C10orf90: variants seen among roughly 807,000 people sequenced by gnomAD.
C10orf90 encodes chromosome 10 open reading frame 90, also known as (E2-independent) E3 ubiquitin-conjugating enzyme FATS.
Under a neutral mutation model 62.5 loss-of-function variants are expected in C10orf90, and 56 were observed. The ratio of observed to expected loss-of-function variants is 0.90; its 90% CI spans 0.72 to 1.12. The LOEUF (loss-of-function observed/expected upper bound fraction) is 1.12. Ranked by LOEUF, C10orf90 falls within the 50% of genes most tolerant of loss-of-function variation. The pLI is 0.00. For synonymous variants in C10orf90, 386 were observed against 340.4 expected, an observed-to-expected ratio of 1.13 and a Z score of -1.47; for missense variants, 970 against 880.4, an observed-to-expected ratio of 1.10 and a Z score of -1.29.
intron 2 of C10orf90, among the ~76,000 whole-genome samples, chr10:126,525,531 G>A (rs1416337554): frequency 1.3e-5 from 2 of 152,150 alleles, no homozygotes; most frequent in East Asian, 3.9e-4. Flanking sequence ...AGGCTCCGCC[G>A]TGAGCTGGAC....
chr10:126,629,010 CG>C (rs1845802302), intron 2 of C10orf90, among the ~76,000 whole-genome samples: 1 of 152,166 alleles, frequency 6.6e-6, no homozygotes, highest in African/African-American at 2.4e-5. Context: ...CTGTAAGAAT[CG>C]GGGCTCTTAA....
chr10:126,565,004 AAT>A lies in C10orf90; in HGVS notation c.314-51067_314-51066del, dbSNP rs1311237853. On this transcript the variant is annotated intron_variant, in intron 2 of 9. Transcript: ENST00000488181. ...AAAATATAAAATATATATTATATAT[AAT>A]ATATATAATATATATTATATATTAT... 1.7e-3 allele frequency among the ~76,000 whole-genome samples: 24 copies of A among 13,994 alleles called. 1 individual carries two copies. The highest frequency in any genetic ancestry group is 2.4e-3 in the Non-Finnish European group (17 of 6,962). 9.2% of individuals were successfully genotyped at this position (13,994 alleles called of 152,430 possible). A position where few individuals can be genotyped will look rare whatever the true frequency, so the allele number is the denominator to read the frequency against.
intron 2 of C10orf90, among the ~76,000 whole-genome samples, chr10:126,565,917 T>C (rs114580651): frequency 0.025 from 3,825 of 152,326 alleles, 163 homozygotes; most frequent in African/African-American, 0.085. Flanking sequence ...GAAGACATGA[T>C]GGTTAGCCCA....
chr10:126,478,699 C>T (rs1390073197), intron 4 of C10orf90, among the ~76,000 whole-genome samples: 1 of 152,042 alleles, frequency 6.6e-6, no homozygotes, highest in African/African-American at 2.4e-5. Flanking sequence ...GGAGGGTGAG[C>T]TAAGGGCTGT....
chr10:126,655,839 C>CAA lies in C10orf90; in HGVS notation c.241-9204_241-9203dup, dbSNP rs56164675. Reference sequence around the variant, plus strand: ...GCAACAGAGACAAAACAAAACAAAACAAAAAAAAAAAAGAAGAAGAACAAA... The same window carrying CAA: ...GCAACAGAGACAAAACAAAACAAAACAAAAAAAAAAAAAAGAAGAAGAACAAA... On this transcript the variant is annotated intron_variant, in intron 1 of 9. Coordinates refer to ENST00000488181, the MANE Select transcript of C10orf90 (RefSeq NM_001350921.2). Among the ~76,000 whole-genome samples the CAA allele has an allele frequency of 1.3e-3, 187 of 139,834 alleles. 1 individual carries two copies. The highest frequency in any genetic ancestry group is 1.6e-3 in the Non-Finnish European group (106 of 64,430). The allele number at this position is 139,834 out of a possible 152,430, so 91.7% of individuals were successfully genotyped here.
In C10orf90 at chr10:126,490,036, A is replaced by ATATATAT. The variant is rs1189445726; in HGVS notation, c.1534+13914_1534+13920dup. 7.0e-3 allele frequency among the ~76,000 whole-genome samples: 648 copies of ATATATAT among 93,212 alleles called. 13 individuals carry two copies. The highest frequency in any genetic ancestry group is 0.026 in the African/African-American group (609 of 23,122). The allele number at this position is 93,212 out of a possible 152,430, so 61.2% of individuals were successfully genotyped here. On this transcript the variant is annotated intron_variant, in intron 4 of 9. Transcript: ENST00000488181. Reference sequence around the variant, plus strand: ...TATTATATATAATATATAATATATAATATATATTATATATTATGTTATATA... The same window carrying ATATATAT: ...TATTATATATAATATATAATATATAATATATATTATATATTATATATTATGTTATATA...
intron 2 of C10orf90, among the ~76,000 whole-genome samples, chr10:126,640,244 C>T: frequency 6.6e-6 from 1 of 152,240 alleles, no homozygotes; most frequent in East Asian, 1.9e-4. Context: ...GCCTCTGTCC[C>T]TCTCAACAAG....
At chr10:126,445,890 A>G (rs2134046815) in intron 7 of C10orf90, among the ~76,000 whole-genome samples, 1 of 151,454 alleles carries the variant, frequency 6.6e-6, no homozygotes, top group African/African-American at 2.4e-5. Context: ...GACCTGGATG[A>G]AATTGGAGAC....
At position 126,470,163 on chromosome 10, in the gene C10orf90, C is replaced by A. The variant is rs868532747; in HGVS notation, c.1535-5177G>T. ...GCATTCTTCTGTAGGTTGCATGCTGCAGAGGGAGAGAAGGCATTTTTCTGC... is the reference window on the plus strand; with the variant it reads ...GCATTCTTCTGTAGGTTGCATGCTGAAGAGGGAGAGAAGGCATTTTTCTGC... On this transcript the variant is annotated intron_variant, in intron 4 of 9. Coordinates refer to ENST00000488181, the MANE Select transcript of C10orf90 (RefSeq NM_001350921.2). 6 of 404,310 alleles carry A rather than the reference C, an allele frequency of 1.5e-5. No individual in the cohort carries two copies. The Middle Eastern group carries it at 1.4e-3, about 96-fold the overall frequency. 25.0% of individuals were successfully genotyped at this position (404,310 alleles called of 1,614,324 possible).
At chr10:126,429,532 A>C (rs1857450026) in intron 8 of C10orf90, among the ~76,000 whole-genome samples, 1 of 152,264 alleles carries the variant, frequency 6.6e-6, no homozygotes, top group East Asian at 1.9e-4. Context: ...AATCTCTTAG[A>C]GACCAATTAC....
chr10:126,495,588 C>G (rs1008610993), intron 4 of C10orf90, among the ~76,000 whole-genome samples: 1 of 152,186 alleles, frequency 6.6e-6, no homozygotes, highest in African/African-American at 2.4e-5. Context: ...AATTAATGGG[C>G]TGGCTTTACC....
At chr10:126,512,261 C>CGA in intron 3 of C10orf90, 1 of 37,032 alleles carries the variant, frequency 2.7e-5, no homozygotes, top group Non-Finnish European at 5.4e-5. Flanking sequence ...GCGAAAGGGG[C>CGA]GAGAGAGAGA....
chr10:126,544,027 C>T (rs1460972221), intron 2 of C10orf90, among the ~76,000 whole-genome samples: 1 of 152,326 alleles, frequency 6.6e-6, no homozygotes, highest in East Asian at 1.9e-4. Context: ...AATTCAGCTG[C>T]TGGAAGCACA....
chr10:126,541,302 T>C (rs1864370580), intron 2 of C10orf90, among the ~76,000 whole-genome samples: 1 of 152,082 alleles, frequency 6.6e-6, no homozygotes, highest in South Asian at 2.1e-4. Context: ...ACTAAAAAGA[T>C]GCTAGAGCTC....
At chr10:126,635,232 C>T (rs1321112794) in intron 2 of C10orf90, among the ~76,000 whole-genome samples, 1 of 152,196 alleles carries the variant, frequency 6.6e-6, no homozygotes, top group East Asian at 1.9e-4. Context: ...TAAAGTAAAG[C>T]TATTTAATAC....
intron 2 of C10orf90, among the ~76,000 whole-genome samples, chr10:126,638,970 A>T (rs1846007401): frequency 6.6e-6 from 1 of 152,266 alleles, no homozygotes; most frequent in Non-Finnish European, 1.5e-5. Context: ...AGAGGAGGCC[A>T]TTAAAACAGC....
intron 2 of C10orf90, among the ~76,000 whole-genome samples, chr10:126,596,958 A>T (rs975959746): frequency 6.6e-6 from 1 of 152,248 alleles, no homozygotes. Context: ...GATGTTCAAC[A>T]TCTTTAGTCA....
chr10:126,576,659 G>GTATACATATATATGTATACA lies in C10orf90; in HGVS notation c.314-62740_314-62721dup, dbSNP rs1204980763. ...GCACTATTCACCACAGCCAAGATAT[G>GTATACATATATATGTATACA]TATACATATATATGTATACATATAC... On this transcript the variant is annotated intron_variant, in intron 2 of 9. Transcript: ENST00000488181. Among the ~76,000 whole-genome samples, 137 of 95,788 alleles carry GTATACATATATATGTATACA rather than the reference G, an allele frequency of 1.4e-3. 26 individuals carry two copies. Among genetic ancestry groups the GTATACATATATATGTATACA allele is most frequent in the Non-Finnish European group, 2.6e-3 (123 of 46,868 alleles). The allele number at this position is 95,788 out of a possible 152,430, so 62.8% of individuals were successfully genotyped here.
At chr10:126,558,029 ACT>A (rs1340974535) in intron 2 of C10orf90, among the ~76,000 whole-genome samples, 6 of 151,644 alleles carry the variant, frequency 4.0e-5, no homozygotes, top group Admixed American at 1.3e-4. Flanking sequence ...CGCCCCTCAG[ACT>A]CTGCAGTATC....
Sources: gnomAD v4.1 joint callset for allele counts (sites outside exome capture counted in the v4.1 genomes callset) on GRCh38, gnomAD v4.1.1 for gene constraint, MANE v1.5 for transcripts, NCBI Gene and HGNC (gene_info 2026-07-23, HGNC 2026-07-21) for gene names.